Variants in CAVIN1 observed in about 807,000 individuals in gnomAD.
CAVIN1 encodes the protein caveolae-associated protein 1.
In CAVIN1, 16 loss-of-function variants were observed where a neutral mutation model predicts 24.0. The observed-to-expected ratio is 0.67, with a 90% CI of 0.45 to 1.01. The LOEUF (loss-of-function observed/expected upper bound fraction) is 1.01, where lower values mean the gene tolerates loss of function less well. CAVIN1 is among the 50% of genes least tolerant of loss of function. The pLI is 0.00. For synonymous variants in CAVIN1, 256 were observed against 256.4 expected (o/e 1.00, Z 0.02); for missense variants, 510 against 551.7 (o/e 0.92, Z 0.76).
rs187781056 is a variant in CAVIN1 at position 42,408,860 on chromosome 17, G to C, written c.472-3472C>G. Among the ~76,000 whole-genome samples, 107 of 142,538 alleles carry C rather than the reference G, an allele frequency of 7.5e-4. 1 individual carries two copies. Among genetic ancestry groups the C allele is most frequent in the Admixed American group, 6.1e-3 (83 of 13,574 alleles). The allele number at this position is 142,538 out of a possible 152,430, so 93.5% of individuals were successfully genotyped here. On this transcript the variant is annotated intron_variant, in intron 1 of 1. Coordinates refer to ENST00000357037, the MANE Select transcript of CAVIN1 (RefSeq NM_012232.6). ...GGTTGGAGTGCAGTGGCGCGATCTC[G>C]GCTCACTGCAACCTCTGCCTCCTGG...
chr17:42,415,133 A>G lies in CAVIN1; in HGVS notation c.471+7494T>C, dbSNP rs116752141. Among the ~76,000 whole-genome samples the G allele has an allele frequency of 2.9e-3, 439 of 152,270 alleles. 3 individuals are homozygous for G. Among genetic ancestry groups the G allele is most frequent in the African/African-American group, 0.01 (419 of 41,538 alleles). ...ACACACGCAAAGCAGCCCCAGGGCC[A>G]GGACTGTGCAACTAACTCCCTCAGC... is the stretch of plus-strand genomic sequence containing the variant. On this transcript the variant is annotated intron_variant, in intron 1 of 1. Coordinates refer to ENST00000357037, the MANE Select transcript of CAVIN1 (RefSeq NM_012232.6).
At chr17:42,411,192 C>CAAAAAAAAAAAAAAAAAAAAAAAAAAA (rs71157624) in intron 1 of CAVIN1, among the ~76,000 whole-genome samples, 5 of 46,664 alleles carry the variant, frequency 1.1e-4, no homozygotes, top group African/African-American at 3.8e-4. Context: ...GACTATGTCT[C>CAAAAAAAAAAAAAAAAAAAAAAAAAAA]AAAAAAAAAA....
chr17:42,412,236 C>T (rs976030745), intron 1 of CAVIN1: 17 of 984,774 alleles, frequency 1.7e-5, no homozygotes, highest in African/African-American at 5.3e-5. Flanking sequence ...AGGGTGCATT[C>T]GGCTTCTTCT....
chr17:42,414,861 C>T (rs1422429804), intron 1 of CAVIN1, among the ~76,000 whole-genome samples: 1 of 151,864 alleles, frequency 6.6e-6, no homozygotes, highest in East Asian at 1.9e-4. Flanking sequence ...TGTGTGGAGT[C>T]CCTGCCAGGG....
At chr17:42,420,565 C>CT (rs1213161493) in intron 1 of CAVIN1, among the ~76,000 whole-genome samples, 1 of 152,238 alleles carries the variant, frequency 6.6e-6, no homozygotes, top group African/African-American at 2.4e-5. Context: ...CCTCAACTCT[C>CT]TGTCACCCAC....
In CAVIN1 at chr17:42,415,088, CCA is replaced by C. The variant is rs369935345; in HGVS notation, c.471+7537_471+7538del. ...CAATGCTGGCCACTCATAGCCAACGCCACACACACAAACACCCATACACACGC... is the reference window on the plus strand; with the variant it reads ...CAATGCTGGCCACTCATAGCCAACGCCACACACAAACACCCATACACACGC... On this transcript the variant is annotated intron_variant, in intron 1 of 1. Coordinates refer to ENST00000357037, the MANE Select transcript of CAVIN1 (RefSeq NM_012232.6). Among the ~76,000 whole-genome samples, 26 of 152,178 alleles carry C rather than the reference CCA, an allele frequency of 1.7e-4. No individual in the cohort carries two copies. In the East Asian group the frequency reaches 5.0e-3, roughly 29 times the overall value.
In CAVIN1 at chr17:42,423,029, C is replaced by T. The variant is rs1263491324; in HGVS notation, c.69G>A (p.Glu23=). 4 of 1,611,614 alleles carry T rather than the reference C, an allele frequency of 2.5e-6. No homozygotes were observed. Among genetic ancestry groups the T allele is most frequent in the East Asian group, 2.2e-5 (1 of 44,854 alleles). Residue 23 remains glutamate (E), a synonymous_variant, in exon 1 of 2, where the codon GAG becomes GAA. Coordinates refer to ENST00000357037, the MANE Select transcript of CAVIN1 (RefSeq NM_012232.6). ...LPGYPDAEAP[E]PSSAGAQAAE... The stretch of plus-strand genomic sequence containing the variant: ...CTGCCTGAGCCCCAGCGGAGGAAGG[C>T]TCCGGGGCCTCGGCGTCGGGGTACC...
At position 42,412,074 on chromosome 17, in the gene CAVIN1, TGG is replaced by T; in HGVS notation, c.472-6688_472-6687del. 3 of 985,306 alleles carry T rather than the reference TGG, an allele frequency of 3.0e-6. No homozygotes were observed. In the South Asian group the frequency reaches 1.4e-4, roughly 46 times the overall value. 61.0% of individuals were successfully genotyped at this position (985,306 alleles called of 1,614,324 possible). A position where few individuals can be genotyped will look rare whatever the true frequency, so the allele number is the denominator to read the frequency against. On this transcript the variant is annotated intron_variant, in intron 1 of 1. Transcript: ENST00000357037. ...CACTCCCACCGGCTGTCAGCTCCTC[TGG>T]GGTGGGCCGGGGCCCAGGCTCTGGG...
At chr17:42,422,094 C>T (rs1348384778) in intron 1 of CAVIN1, among the ~76,000 whole-genome samples, 1 of 152,110 alleles carries the variant, frequency 6.6e-6, no homozygotes, top group Non-Finnish European at 1.5e-5. Flanking sequence ...CGGTCGCGTT[C>T]CCCGCTTGGC....
At chr17:42,412,292 T>C (rs986016838) in intron 1 of CAVIN1, 1 of 981,210 alleles carries the variant, frequency 1.0e-6, no homozygotes, top group African/African-American at 1.8e-5. Flanking sequence ...TTGGGGTGGG[T>C]GCAAAAGGAG....
intron 1 of CAVIN1, among the ~76,000 whole-genome samples, chr17:42,413,626 G>A (rs780082396): frequency 8.9e-5 from 13 of 146,652 alleles, no homozygotes; most frequent in Non-Finnish European, 1.8e-4. Context: ...AAAGGGGTGG[G>A]GCAAACTCAA....
chr17:42,404,448 G>C lies in CAVIN1; in HGVS notation c.*239C>G, dbSNP rs981099139. On this transcript the variant is annotated 3_prime_UTR_variant, in exon 2 of 2. Transcript: ENST00000357037. ...ATCCCGACTTGGACAACCAGGACAG[G>C]GATTGACCATTCCCTTCCCATTCCA... The C allele has an allele frequency of 7.5e-6, 3 of 397,748 alleles. No individual in the cohort carries two copies. The highest frequency in any genetic ancestry group is 6.4e-5 in the African/African-American group (3 of 46,822). The allele number at this position is 397,748 out of a possible 1,614,324, so 24.6% of individuals were successfully genotyped here.
In CAVIN1 at chr17:42,405,323, T is replaced by G. The variant is rs968331945; in HGVS notation, c.537A>C (p.Pro179=). The change falls in exon 2 of 2, where the codon CCA becomes CCC. Residue 179 remains proline, a synonymous_variant. Transcript: ENST00000357037. ...SKSLKESEAL[P]EKEGEELGEG... ...CGCCCAGCTCCTCGCCCTCCTTCTC[T>G]GGCAGCGCCTCCGACTCTTTCAGCG... 1 of 1,610,374 alleles carries G rather than the reference T, an allele frequency of 6.2e-7. No homozygotes were observed. Among genetic ancestry groups the G allele is most frequent in the Non-Finnish European group, 8.5e-7 (1 of 1,179,968 alleles).
rs71157624 is a variant in CAVIN1 at position 42,411,192 on chromosome 17, C to CAAAAAAAAAAAAAAAAAAAAAA, written c.472-5805_472-5804insTTTTTTTTTTTTTTTTTTTTTT. On this transcript the variant is annotated intron_variant, in intron 1 of 1. Transcript: ENST00000357037. Reference sequence around the variant, plus strand: ...TGGGTGACAGAGTAGGACTATGTCTCAAAAAAAAAAAAAAAAACTAAAAGG... The same window carrying CAAAAAAAAAAAAAAAAAAAAAA: ...TGGGTGACAGAGTAGGACTATGTCTCAAAAAAAAAAAAAAAAAAAAAAAAAAAAAAAAAAAAAAACTAAAAGG... Among the ~76,000 whole-genome samples the CAAAAAAAAAAAAAAAAAAAAAA allele has an allele frequency of 4.2e-3, 197 of 46,606 alleles. 17 individuals carry two copies. Among genetic ancestry groups the CAAAAAAAAAAAAAAAAAAAAAA allele is most frequent in the African/African-American group, 8.1e-3 (108 of 13,274 alleles). The allele number at this position is 46,606 out of a possible 152,430, so 30.6% of individuals were successfully genotyped here.
In CAVIN1 at chr17:42,420,118, CT is replaced by C. The variant is rs2085536507; in HGVS notation, c.471+2508del. The stretch of plus-strand genomic sequence containing the variant: ...ACTGCCACATCATCACCTCCCACCC[CT>C]GTAGTGGGGAATACAGCATCCCTTC... On this transcript the variant is annotated intron_variant, in intron 1 of 1. Transcript: ENST00000357037. Among the ~76,000 whole-genome samples the C allele has an allele frequency of 3.9e-5, 6 of 152,270 alleles. No individual in the cohort carries two copies. In the South Asian group the frequency reaches 1.2e-3, roughly 32 times the overall value.
intron 1 of CAVIN1, chr17:42,411,360 C>T: frequency 1.2e-6 from 1 of 858,818 alleles, no homozygotes; most frequent in African/African-American, 1.8e-5. Context: ...TCAGAACCAG[C>T]CTGGGCAACA....
At chr17:42,406,773 C>A (rs1195668133) in intron 1 of CAVIN1, among the ~76,000 whole-genome samples, 1 of 151,094 alleles carries the variant, frequency 6.6e-6, no homozygotes, top group Non-Finnish European at 1.5e-5. Context: ...TTGGCTCCAC[C>A]AGTGGTCATT....
At chr17:42,411,169 GGT>G (rs2085474130) in intron 1 of CAVIN1, among the ~76,000 whole-genome samples, 1 of 118,536 alleles carries the variant, frequency 8.4e-6, no homozygotes. Context: ...CTCCAACCTG[GGT>G]GACAGAGTAG....
chr17:42,407,813 T>C (rs2085454442), intron 1 of CAVIN1, among the ~76,000 whole-genome samples: 1 of 152,180 alleles, frequency 6.6e-6, no homozygotes, highest in Admixed American at 6.5e-5. Context: ...CACTGAGGCA[T>C]TGAAGGGTGT....
Sources: allele counts gnomAD v4.1 joint callset (sites outside exome capture counted in the v4.1 genomes callset), GRCh38; gene constraint gnomAD v4.1.1; transcripts MANE v1.5; gene names NCBI Gene and HGNC (gene_info 2026-07-23, HGNC 2026-07-21).